Variants in ROBO1 observed in about 807,000 individuals in gnomAD.
The protein encoded by ROBO1 is roundabout guidance receptor 1, also known as roundabout homolog 1.
Under a neutral mutation model 195.9 loss-of-function variants are expected in ROBO1, and 149 were observed. The ratio of observed to expected loss-of-function variants is 0.76; its 90% CI spans 0.67 to 0.87. ROBO1 has a LOEUF of 0.87. ROBO1 is among the 40% of genes least tolerant of loss of function. The pLI, the probability that ROBO1 is intolerant of heterozygous loss-of-function variation, is 0.00. For synonymous variants in ROBO1, 816 were observed against 733.2 expected (o/e 1.11, Z -1.82); for missense variants, 1,933 against 2,068.3 (o/e 0.93, Z 1.27).
At chr3:79,330,489 A>C (rs375187135) in intron 2 of ROBO1, among the ~76,000 whole-genome samples, 18 of 151,288 alleles carry the variant, frequency 1.2e-4, no homozygotes, top group African/African-American at 4.1e-4. Context: ...CTATTTTGTG[A>C]TATGTGAAAA....
intron 2 of ROBO1, among the ~76,000 whole-genome samples, chr3:79,126,715 C>T (rs929773883): frequency 2.0e-5 from 3 of 152,152 alleles, no homozygotes; most frequent in African/African-American, 7.2e-5. Context: ...CAGATGTTTA[C>T]TTGGGGAACA....
At chr3:78,712,999 CCTGG>C in intron 8 of ROBO1, among the ~76,000 whole-genome samples, 1 of 152,246 alleles carries the variant, frequency 6.6e-6, no homozygotes, top group South Asian at 2.1e-4. Flanking sequence ...TTGTATTCAT[CCTGG>C]CTATTTTCAC....
intron 2 of ROBO1, among the ~76,000 whole-genome samples, chr3:79,334,586 G>A (rs950562178): frequency 1.3e-5 from 2 of 151,880 alleles, no homozygotes; most frequent in African/African-American, 4.8e-5. Flanking sequence ...CCTCTCTACA[G>A]TGAAGACATG....
At chr3:78,902,949 T>C (rs546291568) in intron 4 of ROBO1, among the ~76,000 whole-genome samples, 44 of 152,216 alleles carry the variant, frequency 2.9e-4, no homozygotes, top group Non-Finnish European at 6.0e-4. Flanking sequence ...CTTTAGTTAA[T>C]TTATTTTCAC....
At chr3:79,439,607 A>G (rs1261054310) in intron 2 of ROBO1, among the ~76,000 whole-genome samples, 2 of 152,142 alleles carry the variant, frequency 1.3e-5, no homozygotes, top group Non-Finnish European at 2.9e-5. Flanking sequence ...AAACTGAAGA[A>G]GCAACAAGAT....
chr3:79,481,831 C>T (rs985462291), intron 2 of ROBO1, among the ~76,000 whole-genome samples: 2 of 151,892 alleles, frequency 1.3e-5, no homozygotes, highest in African/African-American at 2.4e-5. Flanking sequence ...GCTATATTGC[C>T]TTTTCTTTTA....
rs867470908 is a variant in ROBO1 at position 79,237,494 on chromosome 3, T to A, written c.89-111955A>T. Among the ~76,000 whole-genome samples the A allele has an allele frequency of 5.9e-4, 81 of 138,034 alleles. 1 individual carries two copies. In the Middle Eastern group the frequency reaches 0.015, roughly 25 times the overall value. 90.6% of individuals were successfully genotyped at this position (138,034 alleles called of 152,430 possible). A position where few individuals can be genotyped will look rare whatever the true frequency, so the allele number is the denominator to read the frequency against. On this transcript the variant is annotated intron_variant, in intron 2 of 30. Transcript: ENST00000464233. ...AGACTCCATCTCAAAAAAAAAAAAA[T>A]AATAATAAAAAAGATAAAAGTTCAG...
At chr3:78,760,144 A>T (rs141146466) in intron 4 of ROBO1, among the ~76,000 whole-genome samples, 306 of 152,212 alleles carry the variant, frequency 2.0e-3, no homozygotes, top group African/African-American at 7.1e-3. Flanking sequence ...TTCCGCCGCT[A>T]TGTGAGACGT....
chr3:79,066,845 C>T (rs918982844), intron 3 of ROBO1, among the ~76,000 whole-genome samples: 1 of 151,852 alleles, frequency 6.6e-6, no homozygotes, highest in Non-Finnish European at 1.5e-5. Flanking sequence ...CAGCAGATAA[C>T]GATTATTTGG....
intron 2 of ROBO1, among the ~76,000 whole-genome samples, chr3:79,460,931 G>A (rs1937616119): frequency 6.6e-6 from 1 of 151,816 alleles, no homozygotes; most frequent in Non-Finnish European, 1.5e-5. Flanking sequence ...TGTATTTTTA[G>A]TAGAGACGGG....
chr3:79,072,686 T>C (rs1026162973), intron 3 of ROBO1, among the ~76,000 whole-genome samples: 3 of 151,980 alleles, frequency 2.0e-5, no homozygotes, highest in Admixed American at 6.6e-5. Context: ...CAGGATAAAA[T>C]TTTTATGTAC....
intron 2 of ROBO1, among the ~76,000 whole-genome samples, chr3:79,550,326 A>G (rs998097120): frequency 6.6e-6 from 1 of 152,078 alleles, no homozygotes; most frequent in African/African-American, 2.4e-5. Context: ...ATTGACACTA[A>G]CACCTTTCTA....
intron 1 of ROBO1, among the ~76,000 whole-genome samples, chr3:79,623,280 T>C (rs1194602046): frequency 1.3e-5 from 2 of 152,082 alleles, no homozygotes; most frequent in South Asian, 4.1e-4. Context: ...AAGGCCAGAA[T>C]GTCTCTTCTC....
intron 2 of ROBO1, among the ~76,000 whole-genome samples, chr3:79,582,711 G>T (rs1943698675): frequency 1.3e-5 from 2 of 151,876 alleles, no homozygotes; most frequent in Admixed American, 6.6e-5. Context: ...AGATAAAGCT[G>T]CCCAGCCAAG....
chr3:79,540,554 A>T (rs1942027097), intron 2 of ROBO1, among the ~76,000 whole-genome samples: 1 of 152,064 alleles, frequency 6.6e-6, no homozygotes, highest in Non-Finnish European at 1.5e-5. Context: ...TACCGATAAT[A>T]ATCTACTCTG....
At chr3:79,293,810 G>A (rs1440896006) in intron 2 of ROBO1, among the ~76,000 whole-genome samples, 3 of 152,000 alleles carry the variant, frequency 2.0e-5, no homozygotes, top group Non-Finnish European at 4.4e-5. Context: ...TGTAATCCCA[G>A]CACTTTGGGA....
At chr3:79,613,722 G>C (rs750642050) in intron 1 of ROBO1, among the ~76,000 whole-genome samples, 1 of 152,038 alleles carries the variant, frequency 6.6e-6, no homozygotes, top group Non-Finnish European at 1.5e-5. Flanking sequence ...GGAATTCACT[G>C]GCTTTGCTTT....
At chr3:79,692,354 T>A (rs1947322471) in intron 1 of ROBO1, among the ~76,000 whole-genome samples, 1 of 151,888 alleles carries the variant, frequency 6.6e-6, no homozygotes, top group Non-Finnish European at 1.5e-5. Flanking sequence ...TAATCAGATT[T>A]GTTCTTCTGC....
intron 2 of ROBO1, among the ~76,000 whole-genome samples, chr3:79,423,751 T>C (rs2038328924): frequency 6.6e-6 from 1 of 152,032 alleles, no homozygotes; most frequent in Non-Finnish European, 1.5e-5. Flanking sequence ...TGACGACAAA[T>C]ATAAAGTGTA....
Sources: gnomAD v4.1 joint callset for allele counts (sites outside exome capture counted in the v4.1 genomes callset) on GRCh38, gnomAD v4.1.1 for gene constraint, MANE v1.5 for transcripts, NCBI Gene and HGNC (gene_info 2026-07-23, HGNC 2026-07-21) for gene names.